Variants in ARHGAP20 observed in about 807,000 individuals in gnomAD.
The protein encoded by ARHGAP20 is rho GTPase-activating protein 20.
ARHGAP20 carries 34 observed loss-of-function variants against 73.7 expected under a neutral mutation model. The observed-to-expected ratio is 0.46, with a 90% CI of 0.35 to 0.61. The LOEUF (loss-of-function observed/expected upper bound fraction) is 0.61. ARHGAP20 is among the 20% of genes least tolerant of loss of function. ARHGAP20 has a pLI of 0.00. For synonymous variants in ARHGAP20, 523 were observed against 518.2 expected (o/e 1.01, Z -0.13); for missense variants, 1,314 against 1,420.9 (o/e 0.92, Z 1.21).
intron 8 of ARHGAP20, among the ~76,000 whole-genome samples, chr11:110,607,076 A>G (rs919255587): frequency 5.3e-5 from 8 of 152,170 alleles, no homozygotes; most frequent in Non-Finnish European, 8.8e-5. Flanking sequence ...AAGGTATTCT[A>G]TTGTCTCCTT....
intron 2 of ARHGAP20, among the ~76,000 whole-genome samples, chr11:110,639,247 C>CG (rs1491182376): frequency 0.029 from 4,202 of 146,150 alleles, 204 homozygotes; most frequent in African/African-American, 0.1. Flanking sequence ...TACCCCCCCC[C>CG]CACAAGAGTT....
At chr11:110,702,955 C>T (rs915295501) in intron 1 of ARHGAP20, among the ~76,000 whole-genome samples, 1 of 152,146 alleles carries the variant, frequency 6.6e-6, no homozygotes, top group Admixed American at 6.5e-5. Flanking sequence ...AATGGCCATA[C>T]TGCCCAAGGT....
chr11:110,616,928 T>C (rs1948497289), intron 4 of ARHGAP20, among the ~76,000 whole-genome samples: 1 of 152,100 alleles, frequency 6.6e-6, no homozygotes, highest in Non-Finnish European at 1.5e-5. Context: ...AACTTTTAAC[T>C]GAAATAAAAG....
chr11:110,588,999 G>A (rs1458938271), intron 11 of ARHGAP20, among the ~76,000 whole-genome samples: 1 of 152,016 alleles, frequency 6.6e-6, no homozygotes, highest in Non-Finnish European at 1.5e-5. Flanking sequence ...GTGAACCCAG[G>A]AGGTGGAGCT....
intron 2 of ARHGAP20, among the ~76,000 whole-genome samples, chr11:110,684,610 G>A (rs1001400489): frequency 2.0e-5 from 3 of 152,222 alleles, no homozygotes; most frequent in South Asian, 2.1e-4. Context: ...CAAAAAGACT[G>A]CACTCTTATG....
chr11:110,651,114 G>T (rs2135014324), intron 2 of ARHGAP20, among the ~76,000 whole-genome samples: 1 of 152,230 alleles, frequency 6.6e-6, no homozygotes, highest in Admixed American at 6.5e-5. Flanking sequence ...CATGGAAATT[G>T]AACAACCTGC....
chr11:110,619,366 A>G (rs1403226714), intron 4 of ARHGAP20, among the ~76,000 whole-genome samples: 75 of 147,132 alleles, frequency 5.1e-4, no homozygotes, highest in African/African-American at 1.6e-3. Context: ...TAGTGATAGC[A>G]TATATGTAGA....
At chr11:110,678,005 A>G (rs530931259) in intron 2 of ARHGAP20, among the ~76,000 whole-genome samples, 5 of 152,346 alleles carry the variant, frequency 3.3e-5, no homozygotes, top group African/African-American at 9.6e-5. Context: ...AATAAACAAA[A>G]TGTGGTATAC....
chr11:110,672,984 A>G (rs1473652971), intron 2 of ARHGAP20, among the ~76,000 whole-genome samples: 1 of 152,210 alleles, frequency 6.6e-6, no homozygotes, highest in African/African-American at 2.4e-5. Flanking sequence ...TCTCAACAGA[A>G]TAAACTAATT....
At position 110,614,656 on chromosome 11, in the gene ARHGAP20, G is replaced by C; in HGVS notation, c.546-11C>G. On this transcript the variant is annotated splice_polypyrimidine_tract_variant and intron_variant, in intron 5 of 14. Transcript: ENST00000683387. ...TCTAGATTGATGTATCTAATCAAAT[G>C]CAACAGCAACCCAAAACAACACTGA... 1 of 1,572,050 alleles carries C rather than the reference G, an allele frequency of 6.4e-7. No individual in the cohort carries two copies. The highest frequency in any genetic ancestry group is 8.7e-7 in the Non-Finnish European group (1 of 1,154,866).
At chr11:110,623,747 C>T (rs907664485) in intron 4 of ARHGAP20, among the ~76,000 whole-genome samples, 4 of 152,044 alleles carry the variant, frequency 2.6e-5, no homozygotes, top group African/African-American at 7.2e-5. Context: ...AAGCTCAATA[C>T]GTAAAACAAA....
At chr11:110,712,028 G>A in intron 1 of ARHGAP20, 99 bp downstream of exon 1, 1 of 1,243,122 alleles carries the variant, frequency 8.0e-7, no homozygotes, top group East Asian at 3.2e-5. Context: ...AATTCCCGCG[G>A]CGTCCGCCTA....
intron 1 of ARHGAP20, among the ~76,000 whole-genome samples, chr11:110,697,974 T>C (rs768904079): frequency 4.0e-5 from 6 of 151,766 alleles, no homozygotes; most frequent in Middle Eastern, 3.2e-3. Flanking sequence ...AAATTGGTAA[T>C]TTGATAGAGA....
rs776868682 is a variant in ARHGAP20 at position 110,690,595 on chromosome 11, G to A, written c.140C>T (p.Ala47Val). The change falls in exon 2 of 15, where the codon GCT (alanine) becomes GTT (valine). Residue 47 changes from alanine (A) to valine (V), a missense_variant. Ala to Val is a moderately conservative substitution (Grantham distance 64). Coordinates refer to ENST00000683387, the MANE Select transcript of ARHGAP20 (RefSeq NM_001384657.1). ...MKTLAERRRSAPSLILDKALQ... is the reference protein window; with the variant it reads ...MKTLAERRRSVPSLILDKALQ... ...GGCTTTATCCAGGATAAGAGATGGA[G>A]CGCTCCTCCTCCTTTCTGCTAGTGT... is the stretch of plus-strand genomic sequence containing the variant. The A allele has an allele frequency of 1.2e-6, 2 of 1,614,040 alleles. No individual in the cohort carries two copies. The highest frequency in any genetic ancestry group is 1.7e-6 in the Non-Finnish European group (2 of 1,179,982).
intron 11 of ARHGAP20, chr11:110,589,353 C>T: frequency 2.5e-5 from 24 of 968,368 alleles, no homozygotes; most frequent in Non-Finnish European, 2.9e-5. Flanking sequence ...GGTTTAAGAG[C>T]AGATATGGCT....
intron 2 of ARHGAP20, among the ~76,000 whole-genome samples, chr11:110,680,503 C>T (rs1305945402): frequency 6.6e-6 from 1 of 152,100 alleles, no homozygotes; most frequent in Non-Finnish European, 1.5e-5. Flanking sequence ...GGACAGACTG[C>T]TATCCCTATG....
intron 4 of ARHGAP20, among the ~76,000 whole-genome samples, chr11:110,618,659 ATATATGCAGTGATAGAG>A (rs1479445546): frequency 1.6e-4 from 24 of 147,582 alleles, no homozygotes; most frequent in East Asian, 6.1e-4. Flanking sequence ...CAGTGATAGC[ATATATGCAGTGATAGAG>A]TATATGCAGT....
At chr11:110,672,474 A>T (rs1949848710) in intron 2 of ARHGAP20, among the ~76,000 whole-genome samples, 1 of 150,216 alleles carries the variant, frequency 6.7e-6, no homozygotes, top group Non-Finnish European at 1.5e-5. Context: ...CAGATGGCTA[A>T]TTTTTTTTTT....
At chr11:110,649,480 T>C (rs1949302409) in intron 2 of ARHGAP20, among the ~76,000 whole-genome samples, 1 of 152,022 alleles carries the variant, frequency 6.6e-6, no homozygotes, top group Non-Finnish European at 1.5e-5. Context: ...TGAGACAAGC[T>C]TAAAGTTGGT....
Sources: allele counts gnomAD v4.1 joint callset (sites outside exome capture counted in the v4.1 genomes callset), GRCh38; gene constraint gnomAD v4.1.1; transcripts MANE v1.5; gene names NCBI Gene and HGNC (gene_info 2026-07-23, HGNC 2026-07-21).